Variants in SDK1 observed in about 807,000 individuals in gnomAD.
SDK1 encodes the protein sidekick cell adhesion molecule 1.
SDK1 carries 157 observed loss-of-function variants against 245.5 expected under a neutral mutation model. The observed-to-expected ratio is 0.64, with a 90% CI of 0.56 to 0.73. The LOEUF is 0.73. Among genes scored for constraint, SDK1 ranks in the 30% least tolerant of loss-of-function variants. The probability of loss-of-function intolerance (pLI) is 0.00; values close to 1 mark genes in which losing one functional copy is unlikely to be tolerated. For missense variants in SDK1, 3,583 were observed against 3,002.3 expected, an observed-to-expected ratio of 1.19 and a Z score of -4.52; for synonymous variants, 1,647 against 1,278.5, an observed-to-expected ratio of 1.29 and a Z score of -6.15.
intron 9 of SDK1, among the ~76,000 whole-genome samples, chr7:3,965,253 G>A (rs902571990): frequency 2.0e-5 from 3 of 152,074 alleles, no homozygotes; most frequent in African/African-American, 4.8e-5. Context: ...CCATTCCAGT[G>A]AGAGACTTAG....
intron 1 of SDK1, among the ~76,000 whole-genome samples, chr7:3,491,047 C>T (rs747559064): frequency 6.6e-6 from 1 of 152,236 alleles, no homozygotes; most frequent in Non-Finnish European, 1.5e-5. Flanking sequence ...CTAGTCTTCA[C>T]AGTAACCTCC....
At chr7:4,062,066 G>C (rs1779579543) in intron 19 of SDK1, among the ~76,000 whole-genome samples, 1 of 151,394 alleles carries the variant, frequency 6.6e-6, no homozygotes, top group South Asian at 2.1e-4. Flanking sequence ...ACACCAGCAT[G>C]GCACATGTAT....
chr7:3,835,311 C>G (rs909497239), intron 5 of SDK1, among the ~76,000 whole-genome samples: 2 of 152,176 alleles, frequency 1.3e-5, no homozygotes, highest in African/African-American at 2.4e-5. Flanking sequence ...TGTTTTATGA[C>G]TGCATTTGAC....
chr7:3,487,599 C>G (rs1781739691), intron 1 of SDK1, among the ~76,000 whole-genome samples: 1 of 151,352 alleles, frequency 6.6e-6, no homozygotes, highest in South Asian at 2.1e-4. Flanking sequence ...AACAAACACC[C>G]AAAAAATTAG....
chr7:4,176,781 T>C (rs1379607108), intron 34 of SDK1, among the ~76,000 whole-genome samples: 2 of 152,216 alleles, frequency 1.3e-5, no homozygotes, highest in African/African-American at 4.8e-5. Flanking sequence ...CTTAACGTCT[T>C]CAAGGTCCAA....
At chr7:3,869,726 G>C (rs1218763989) in intron 5 of SDK1, among the ~76,000 whole-genome samples, 2 of 152,182 alleles carry the variant, frequency 1.3e-5, no homozygotes, top group Non-Finnish European at 2.9e-5. Context: ...CTGACATTGA[G>C]AGACACTGGC....
At chr7:3,871,135 C>G (rs1022085016) in intron 5 of SDK1, among the ~76,000 whole-genome samples, 1 of 144,808 alleles carries the variant, frequency 6.9e-6, no homozygotes, top group African/African-American at 2.7e-5. Flanking sequence ...AGATTTATAC[C>G]TAAGTATTTC....
At chr7:3,729,410 A>G (rs1224842023) in intron 4 of SDK1, among the ~76,000 whole-genome samples, 1 of 152,176 alleles carries the variant, frequency 6.6e-6, no homozygotes, top group East Asian at 1.9e-4. Context: ...CCCTTAGGAA[A>G]CACTTAACAA....
intron 4 of SDK1, among the ~76,000 whole-genome samples, chr7:3,692,624 A>G (rs1253124648): frequency 1.3e-5 from 2 of 152,102 alleles, no homozygotes; most frequent in African/African-American, 2.4e-5. Flanking sequence ...ACTCTTGGCT[A>G]CATGTTTTAT....
At chr7:3,790,443 G>A (rs1029308809) in intron 4 of SDK1, among the ~76,000 whole-genome samples, 4 of 152,126 alleles carry the variant, frequency 2.6e-5, no homozygotes, top group African/African-American at 9.7e-5. Context: ...AGTGTGGAAA[G>A]GTGGGTTTGG....
chr7:4,258,305 G>A (rs1439947453), intron 44 of SDK1, among the ~76,000 whole-genome samples: 3 of 152,142 alleles, frequency 2.0e-5, no homozygotes, highest in African/African-American at 7.2e-5. Flanking sequence ...CACCCAGTGT[G>A]AACCCTGCTT....
chr7:3,997,746 G>C (rs1784786552), intron 14 of SDK1, among the ~76,000 whole-genome samples: 1 of 152,168 alleles, frequency 6.6e-6, no homozygotes, highest in African/African-American at 2.4e-5. Context: ...ACTCCAGCCA[G>C]GGGGACTGGC....
At position 3,885,787 on chromosome 7, in the gene SDK1, C is replaced by T. The variant is rs150464717; in HGVS notation, c.847+64204C>T. 2.7e-3 allele frequency among the ~76,000 whole-genome samples: 405 copies of T among 152,332 alleles called. 2 individuals are homozygous for T. In the East Asian group the frequency reaches 0.037, roughly 14 times the overall value. ...TTGTACAGTTCCATTGAAGCCTTTC[C>T]CTTCTCTTGTTTCCTCCCAAAGTTC... On this transcript the variant is annotated intron_variant, in intron 5 of 44. Coordinates refer to ENST00000404826, the MANE Select transcript of SDK1 (RefSeq NM_152744.4).
chr7:3,443,934 T>G (rs886898612), intron 1 of SDK1, among the ~76,000 whole-genome samples: 3 of 152,216 alleles, frequency 2.0e-5, no homozygotes, highest in African/African-American at 7.2e-5. Context: ...CAGAGTGCTA[T>G]TAACAAATGG....
intron 1 of SDK1, among the ~76,000 whole-genome samples, chr7:3,533,955 G>A (rs955025611): frequency 6.6e-6 from 1 of 152,206 alleles, no homozygotes; most frequent in African/African-American, 2.4e-5. Flanking sequence ...TTTTTAAGGT[G>A]TACAATACAG....
At chr7:4,205,823 T>C in intron 35 of SDK1, 56 bp from the exon 36 acceptor site, 1 of 1,393,328 alleles carries the variant, frequency 7.2e-7, no homozygotes, top group Non-Finnish European at 1.0e-6. Flanking sequence ...TGGGCGAGGG[T>C]CCGGGCCGGC....
chr7:3,743,043 T>A (rs1779520451), intron 4 of SDK1, among the ~76,000 whole-genome samples: 1 of 152,218 alleles, frequency 6.6e-6, no homozygotes, highest in African/African-American at 2.4e-5. Context: ...TGAATTTGAT[T>A]GTACGGAACT....
chr7:3,336,237 C>G (rs1248067947), intron 1 of SDK1, among the ~76,000 whole-genome samples: 1 of 152,212 alleles, frequency 6.6e-6, no homozygotes, highest in Non-Finnish European at 1.5e-5. Context: ...CGGTTCCCCA[C>G]CCAGAGGCTG....
At chr7:3,693,144 G>C (rs1226252199) in intron 4 of SDK1, among the ~76,000 whole-genome samples, 1 of 151,694 alleles carries the variant, frequency 6.6e-6, no homozygotes, top group Non-Finnish European at 1.5e-5. Flanking sequence ...AATAATTTTT[G>C]TTTTTTTACA....
Sources: gnomAD v4.1 joint callset for allele counts (sites outside exome capture counted in the v4.1 genomes callset) on GRCh38, gnomAD v4.1.1 for gene constraint, MANE v1.5 for transcripts, NCBI Gene and HGNC (gene_info 2026-07-23, HGNC 2026-07-21) for gene names.